Variants in CPLX2 observed in about 807,000 individuals in gnomAD.
The protein encoded by CPLX2 is complexin 2.
CPLX2 carries 5 observed loss-of-function variants against 16.3 expected under a neutral mutation model. The observed-to-expected ratio is 0.31, with a 90% confidence interval of 0.16 to 0.64. The LOEUF is 0.64. CPLX2 is among the 30% of genes least tolerant of loss of function. The pLI is 0.79. For synonymous variants in CPLX2, 89 were observed against 73.2 expected, an observed-to-expected ratio of 1.22 and a Z score of -1.10; for missense variants, 144 against 181.4, an observed-to-expected ratio of 0.79 and a Z score of 1.18.
chr5:175,810,845 T>C lies in CPLX2; in HGVS notation c.-89+1777T>C, dbSNP rs1758299094. ...CACTTCTCAAAGAATTCTAATAAAC[T>C]GGTCAGGTGGAATTTGGTCTTACAT... On this transcript the variant is annotated intron_variant, in intron 2 of 4. Transcript: ENST00000359546. 2.0e-5 allele frequency among the ~76,000 whole-genome samples: 3 copies of C among 152,354 alleles called. No homozygotes were observed. In the South Asian group the frequency reaches 6.2e-4, roughly 32 times the overall value.
intron 1 of CPLX2, among the ~76,000 whole-genome samples, chr5:175,803,903 C>T (rs1049826249): frequency 4.6e-5 from 7 of 152,184 alleles, no homozygotes; most frequent in African/African-American, 1.7e-4. Flanking sequence ...TTGGCGCTGG[C>T]AGCCGTGTGG....
Position 175,849,764 on chromosome 5 carries a change from C to A in CPLX2, c.-88-28888C>A, listed in dbSNP as rs117255811. On this transcript the variant is annotated intron_variant, in intron 2 of 4. Transcript: ENST00000359546. This position sits in a 1 kb window ranked among gnomAD's most constrained non-coding sequence, Gnocchi z 4.4. Reference sequence around the variant, plus strand: ...GCGTGAGCTCCAACAGGGCCCTGGACCCCACCCTGGCTCCATCTCCCCTTG... The same window carrying A: ...GCGTGAGCTCCAACAGGGCCCTGGAACCCACCCTGGCTCCATCTCCCCTTG... 6.9e-4 allele frequency among the ~76,000 whole-genome samples: 105 copies of A among 152,252 alleles called. 1 individual carries two copies. In the East Asian group the frequency reaches 0.019, roughly 28 times the overall value.
intron 2 of CPLX2, among the ~76,000 whole-genome samples, chr5:175,835,209 A>G (rs187945872): frequency 4.9e-4 from 74 of 152,374 alleles, no homozygotes; most frequent in South Asian, 1.0e-3. Flanking sequence ...TATTACAGTT[A>G]CCGGAGCCTG....
chr5:175,805,498 A>G (rs1758181579), intron 1 of CPLX2: 1 of 152,276 alleles, frequency 6.6e-6, no homozygotes, highest in Admixed American at 6.5e-5. Flanking sequence ...TCATTCACAC[A>G]GAGCGTCAGC....
At chr5:175,833,749 C>T (rs1758773481) in intron 2 of CPLX2, among the ~76,000 whole-genome samples, 1 of 152,166 alleles carries the variant, frequency 6.6e-6, no homozygotes, top group Non-Finnish European at 1.5e-5. Context: ...ATCAGTCAGT[C>T]CCCAGACGGA....
chr5:175,859,721 A>AT (rs1759326246), intron 2 of CPLX2, among the ~76,000 whole-genome samples: 1 of 152,246 alleles, frequency 6.6e-6, no homozygotes, highest in East Asian at 1.9e-4. Context: ...AAGCACCACC[A>AT]TTGTGAATTC....
intron 1 of CPLX2, among the ~76,000 whole-genome samples, chr5:175,874,460 G>A (rs1038713489): frequency 1.3e-5 from 2 of 152,168 alleles, no homozygotes; most frequent in Non-Finnish European, 2.9e-5. Flanking sequence ...CACAGCCCCA[G>A]CACCCAGAAC....
chr5:175,804,301 T>C (rs1758155553), intron 1 of CPLX2, among the ~76,000 whole-genome samples: 1 of 152,172 alleles, frequency 6.6e-6, no homozygotes, highest in African/African-American at 2.4e-5. Context: ...AGTCTGCTCA[T>C]GGTGAACCAA....
chr5:175,864,664 C>T (rs963425071), intron 2 of CPLX2, among the ~76,000 whole-genome samples: 1 of 152,174 alleles, frequency 6.6e-6, no homozygotes, highest in African/African-American at 2.4e-5. Context: ...ACTTCTTGTA[C>T]ACCTTTGCCT....
chr5:175,796,854 C>A (rs1339337660), intron 1 of CPLX2: 1 of 152,308 alleles, frequency 6.6e-6, no homozygotes, highest in African/African-American at 2.4e-5. Flanking sequence ...GGCGGAGAGA[C>A]CCCGGCCACA....
At chr5:175,822,230 T>C (rs1758523922) in intron 2 of CPLX2, among the ~76,000 whole-genome samples, 1 of 152,212 alleles carries the variant, frequency 6.6e-6, no homozygotes, top group Non-Finnish European at 1.5e-5. Context: ...GACGTACTTT[T>C]GAGTTTTGTC....
chr5:175,856,340 A>T (rs1170747265), intron 2 of CPLX2, among the ~76,000 whole-genome samples: 1 of 152,132 alleles, frequency 6.6e-6, no homozygotes, highest in Non-Finnish European at 1.5e-5. Context: ...AATCTTCACC[A>T]CAGACATGGG....
intron 2 of CPLX2, among the ~76,000 whole-genome samples, chr5:175,829,989 G>A (rs779233993): frequency 5.9e-5 from 9 of 152,208 alleles, no homozygotes; most frequent in Non-Finnish European, 1.0e-4. Flanking sequence ...CATCAGAGCC[G>A]CTGAACCTTC....
chr5:175,853,653 G>C (rs185726903), intron 2 of CPLX2, among the ~76,000 whole-genome samples: 1 of 152,170 alleles, frequency 6.6e-6, no homozygotes, highest in Non-Finnish European at 1.5e-5. Context: ...AGAGGAGACG[G>C]TACAAAGTCA....
intron 2 of CPLX2, among the ~76,000 whole-genome samples, chr5:175,817,838 G>C (rs1307661283): frequency 2.0e-5 from 3 of 152,212 alleles, no homozygotes; most frequent in Non-Finnish European, 4.4e-5. Flanking sequence ...CATCACACAT[G>C]GGAGACAGGA....
chr5:175,832,639 C>G (rs1758755523), intron 2 of CPLX2, among the ~76,000 whole-genome samples: 1 of 152,206 alleles, frequency 6.6e-6, no homozygotes, highest in Non-Finnish European at 1.5e-5. Context: ...AATCAAACCT[C>G]CCCTTCCAAG....
intron 2 of CPLX2, among the ~76,000 whole-genome samples, chr5:175,837,193 A>G (rs1222704406): frequency 1.3e-5 from 2 of 152,010 alleles, no homozygotes; most frequent in East Asian, 3.9e-4. Context: ...GGAAATTCAG[A>G]CCCCAAGCTG....
chr5:175,806,509 A>AC (rs1298223262), intron 1 of CPLX2, among the ~76,000 whole-genome samples: 1 of 151,936 alleles, frequency 6.6e-6, no homozygotes, highest in Non-Finnish European at 1.5e-5. Context: ...TTTGTTTTTG[A>AC]GACAGAGTTT....
upstream of CPLX2, among the ~76,000 whole-genome samples, chr5:175,868,530 T>G (rs1374380064): frequency 6.6e-6 from 1 of 152,122 alleles, no homozygotes; most frequent in African/African-American, 2.4e-5. Context: ...GAGCCACATC[T>G]ATATTTTACC....
Sources: allele counts gnomAD v4.1 joint callset (sites outside exome capture counted in the v4.1 genomes callset), GRCh38; gene constraint gnomAD v4.1.1; non-coding constraint Gnocchi (gnomAD v3.1); transcripts MANE v1.5; gene names NCBI Gene and HGNC (gene_info 2026-07-23, HGNC 2026-07-21).